Variants in NAALADL2 observed in about 807,000 individuals in gnomAD.
NAALADL2 encodes the protein N-acetylated alpha-linked acidic dipeptidase like 2.
Under a neutral mutation model 87.2 loss-of-function variants are expected in NAALADL2, and 76 were observed. The observed-to-expected ratio is 0.87, with a 90% CI of 0.72 to 1.05. The LOEUF (loss-of-function observed/expected upper bound fraction) is 1.05. Ranked by LOEUF, NAALADL2 falls within the 50% of genes least tolerant of loss-of-function variation. The pLI, the probability that NAALADL2 is intolerant of heterozygous loss-of-function variation, is 0.00. For missense variants in NAALADL2, 1,089 were observed against 945.8 expected, an observed-to-expected ratio of 1.15 and a Z score of -1.99; for synonymous variants, 354 against 331.0, an observed-to-expected ratio of 1.07 and a Z score of -0.75.
At chr3:174,969,695 G>A (rs1353055889) in intron 1 of NAALADL2, among the ~76,000 whole-genome samples, 2 of 152,122 alleles carry the variant, frequency 1.3e-5, no homozygotes, top group Non-Finnish European at 2.9e-5. Flanking sequence ...TTCATTAAAA[G>A]TCTGTGATGG....
chr3:174,889,144 C>T (rs1251500228), intron 1 of NAALADL2, among the ~76,000 whole-genome samples: 1 of 152,054 alleles, frequency 6.6e-6, no homozygotes, highest in East Asian at 1.9e-4. Flanking sequence ...TTTGCCTAAG[C>T]CCCTCAGTCT....
intron 1 of NAALADL2, among the ~76,000 whole-genome samples, chr3:174,860,843 T>G (rs1726400197): frequency 6.6e-6 from 1 of 152,110 alleles, no homozygotes; most frequent in Non-Finnish European, 1.5e-5. Context: ...CTCTGGTGCT[T>G]TTTATGTATA....
intron 4 of NAALADL2, among the ~76,000 whole-genome samples, chr3:175,301,846 G>A (rs1367830237): frequency 1.3e-5 from 2 of 152,272 alleles, no homozygotes; most frequent in Middle Eastern, 3.4e-3. Flanking sequence ...GAAGCTGTTT[G>A]CTTGGAACCT....
At chr3:175,648,047 G>A (rs1011522882) in intron 11 of NAALADL2, among the ~76,000 whole-genome samples, 24 of 152,156 alleles carry the variant, frequency 1.6e-4, no homozygotes, top group Admixed American at 6.6e-4. Flanking sequence ...ATTCTGTCTC[G>A]TGCCAGCTTG....
intron 1 of NAALADL2, among the ~76,000 whole-genome samples, chr3:174,954,969 C>T (rs762528546): frequency 4.7e-5 from 7 of 149,850 alleles, no homozygotes; most frequent in Non-Finnish European, 1.0e-4. Context: ...CATCCGTTAA[C>T]AACAATATAT....
intron 2 of NAALADL2, among the ~76,000 whole-genome samples, chr3:175,175,301 A>G (rs1268401602): frequency 6.6e-6 from 1 of 152,036 alleles, no homozygotes; most frequent in Non-Finnish European, 1.5e-5. Flanking sequence ...TAGTTTTAAA[A>G]CGGAGTTTTT....
intron 1 of NAALADL2, among the ~76,000 whole-genome samples, chr3:174,548,191 A>G (rs1218822300): frequency 6.6e-6 from 1 of 152,220 alleles, no homozygotes; most frequent in Non-Finnish European, 1.5e-5. Flanking sequence ...AAATTCATAC[A>G]GTCGGAGAAC....
intron 1 of NAALADL2, among the ~76,000 whole-genome samples, chr3:175,074,766 C>A (rs779739864): frequency 6.6e-6 from 1 of 151,652 alleles, no homozygotes; most frequent in African/African-American, 2.4e-5. Context: ...TGGATAGGAA[C>A]GTGCATGGGA....
Position 175,803,038 on chromosome 3 carries a change from C to A in NAALADL2, c.2223C>A (p.Ser741Arg), listed in dbSNP as rs779011805. Residue 741 changes from serine to arginine, a missense_variant, in exon 14 of 14, where the codon AGC becomes AGA. Physicochemically the swap from Ser to Arg is moderately radical, Grantham distance 110. Transcript: ENST00000454872. ...NILYHLDEKTSRFSILIEAWE... is the reference protein window; with the variant it reads ...NILYHLDEKTRRFSILIEAWE... ...TCTACCACCTTGATGAAAAGACAAG[C>A]CGGTTTTCAATACTTATAGAGGCTT... 6.2e-7 allele frequency: 1 copy of A among 1,611,984 alleles called. No homozygotes were observed.
At chr3:174,919,711 G>A (rs71310601) in intron 1 of NAALADL2, among the ~76,000 whole-genome samples, 6,987 of 152,194 alleles carry the variant, frequency 0.046, 221 homozygotes, top group Admixed American at 0.1. Flanking sequence ...TATTAATGGC[G>A]TATAGAATGA....
chr3:175,633,536 G>C (rs1341948038), intron 11 of NAALADL2, among the ~76,000 whole-genome samples: 1 of 151,778 alleles, frequency 6.6e-6, no homozygotes, highest in Non-Finnish European at 1.5e-5. Flanking sequence ...TATATTATGG[G>C]ATAGGTAGTA....
chr3:174,887,325 TATA>T (rs1730284929), intron 1 of NAALADL2, among the ~76,000 whole-genome samples: 2 of 152,212 alleles, frequency 1.3e-5, no homozygotes, highest in African/African-American at 4.8e-5. Flanking sequence ...CTTGAACATA[TATA>T]ATAATTGATA....
chr3:175,004,748 T>TA (rs776205706), intron 1 of NAALADL2, among the ~76,000 whole-genome samples: 1 of 152,144 alleles, frequency 6.6e-6, no homozygotes, highest in Non-Finnish European at 1.5e-5. Flanking sequence ...TAAAATTATT[T>TA]AAAATATTGA....
intron 2 of NAALADL2, among the ~76,000 whole-genome samples, chr3:175,205,488 G>C (rs369294888): frequency 6.6e-6 from 1 of 152,118 alleles, no homozygotes; most frequent in Non-Finnish European, 1.5e-5. Flanking sequence ...GAAGCTATAA[G>C]AATTCTAGAA....
chr3:175,506,298 C>T (rs1411313619), intron 9 of NAALADL2, among the ~76,000 whole-genome samples: 1 of 152,156 alleles, frequency 6.6e-6, no homozygotes, highest in East Asian at 1.9e-4. Flanking sequence ...ATGCATCATC[C>T]CTGAACGTTT....
intron 11 of NAALADL2, 41 bp downstream of exon 11, chr3:175,627,427 G>A: frequency 1.5e-6 from 2 of 1,311,814 alleles, no homozygotes; most frequent in African/African-American, 1.5e-5. Context: ...AGAAATATTT[G>A]TTCTTCTTTA....
intron 1 of NAALADL2, among the ~76,000 whole-genome samples, chr3:174,539,639 G>T: frequency 6.6e-6 from 1 of 151,928 alleles, no homozygotes; most frequent in East Asian, 1.9e-4. Flanking sequence ...ATTTATTTTT[G>T]TTGTGGCCAC....
intron 5 of NAALADL2, among the ~76,000 whole-genome samples, chr3:175,427,537 A>C (rs1717030281): frequency 6.6e-6 from 1 of 152,188 alleles, no homozygotes. Flanking sequence ...AATATTATAC[A>C]ACATTTTGCC....
intron 2 of NAALADL2, among the ~76,000 whole-genome samples, chr3:175,204,140 C>G (rs1740476843): frequency 6.6e-6 from 1 of 151,812 alleles, no homozygotes; most frequent in African/African-American, 2.4e-5. Flanking sequence ...GGGACATAAG[C>G]AAAAAAGAAA....
Sources: allele counts gnomAD v4.1 joint callset (sites outside exome capture counted in the v4.1 genomes callset), GRCh38; gene constraint gnomAD v4.1.1; transcripts MANE v1.5; gene names NCBI Gene and HGNC (gene_info 2026-07-23, HGNC 2026-07-21).